CDH4: variants seen among roughly 807,000 people sequenced by gnomAD.
CDH4 encodes cadherin-4.
CDH4 carries 33 observed loss-of-function variants against 86.0 expected under a neutral mutation model. The observed-to-expected ratio is 0.38, with a 90% CI of 0.29 to 0.51. The LOEUF is 0.51. CDH4 is among the 20% of genes least tolerant of loss of function. The pLI, the probability that CDH4 is intolerant of heterozygous loss-of-function variation, is 0.86. For synonymous variants in CDH4, 555 were observed against 549.4 expected (o/e 1.01, Z -0.14); for missense variants, 1,114 against 1,307.4 (o/e 0.85, Z 2.28).
At position 61,663,748 on chromosome 20, in the gene CDH4, GT is replaced by G. The variant is rs1050700509; in HGVS notation, c.170-79814del. On this transcript the variant is annotated intron_variant, in intron 2 of 15. Coordinates refer to ENST00000614565, the MANE Select transcript of CDH4 (RefSeq NM_001794.5). This position sits in a 1 kb window ranked among gnomAD's most constrained non-coding sequence, Gnocchi z 5.0. ...ACCAGGCAGGGCTGACAGACGCGGG[GT>G]CGGGGGAAGATCAGGAGCTCCCGGT... Among the ~76,000 whole-genome samples, 7 of 152,168 alleles carry G rather than the reference GT, an allele frequency of 4.6e-5. No homozygotes were observed. The highest frequency in any genetic ancestry group is 1.7e-4 in the African/African-American group (7 of 41,434).
rs1408602820 is a variant in CDH4, at chr20:61,501,609, C to G, written c.170-241954C>G. Among the ~76,000 whole-genome samples, 2 of 152,110 alleles carry G rather than the reference C, an allele frequency of 1.3e-5. No individual in the cohort carries two copies. The highest frequency in any genetic ancestry group is 2.4e-5 in the African/African-American group (1 of 41,422). On this transcript the variant is annotated intron_variant, in intron 2 of 15. Coordinates refer to ENST00000614565, the MANE Select transcript of CDH4 (RefSeq NM_001794.5). This position sits in a 1 kb window ranked among gnomAD's most constrained non-coding sequence, Gnocchi z 4.2. ...GCCCGGAGACGCTGACTCCAGTTGC[C>G]TAACAGAGCTGTGGTGAGACTCAAA...
chr20:61,275,307 G>T (rs2084223190), intron 2 of CDH4, among the ~76,000 whole-genome samples: 1 of 142,270 alleles, frequency 7.0e-6, no homozygotes, highest in Non-Finnish European at 1.5e-5. Flanking sequence ...GCGCAGTTTG[G>T]GGGAGCACCG....
At chr20:61,919,775 C>T (rs200272333) in intron 9 of CDH4, among the ~76,000 whole-genome samples, 3 of 144,074 alleles carry the variant, frequency 2.1e-5, no homozygotes, top group African/African-American at 7.8e-5. Context: ...AGCGTGGTGT[C>T]GCGGTGATTG....
At chr20:61,526,171 T>C (rs2149480) in intron 2 of CDH4, among the ~76,000 whole-genome samples, 52,022 of 149,248 alleles carry the variant, frequency 0.35, 11,108 homozygotes, top group African/African-American at 0.62. Context: ...CTGGTGCCCC[T>C]CCCCCTCCCC....
At chr20:61,528,577 C>T (rs1025295951) in intron 2 of CDH4, among the ~76,000 whole-genome samples, 4 of 151,836 alleles carry the variant, frequency 2.6e-5, no homozygotes, top group African/African-American at 9.7e-5. Context: ...TGAGACCAGC[C>T]TGGCAACGTA....
At chr20:61,573,854 A>G (rs2086363261) in intron 2 of CDH4, among the ~76,000 whole-genome samples, 1 of 152,216 alleles carries the variant, frequency 6.6e-6, no homozygotes. Flanking sequence ...GATGGAAGGG[A>G]AAGCTGTGTG....
chr20:61,433,711 G>A (rs1284602954), intron 2 of CDH4, among the ~76,000 whole-genome samples: 4 of 152,244 alleles, frequency 2.6e-5, no homozygotes, highest in South Asian at 4.2e-4. Flanking sequence ...CCAGGCTCCC[G>A]TCGGTCCCTG....
intron 4 of CDH4, among the ~76,000 whole-genome samples, chr20:61,805,393 A>C (rs1980069197): frequency 6.6e-6 from 1 of 152,222 alleles, no homozygotes; most frequent in African/African-American, 2.4e-5. Context: ...GGTGGGCAGC[A>C]TGGCTGGGTG....
intron 2 of CDH4, among the ~76,000 whole-genome samples, chr20:61,426,535 T>C (rs1005226477): frequency 1.3e-5 from 2 of 152,232 alleles, no homozygotes; most frequent in Admixed American, 6.5e-5. Flanking sequence ...GTCTGCCTGT[T>C]TGCTAATCCC....
At position 61,685,926 on chromosome 20, in the gene CDH4, G is replaced by C. The variant is rs140724059; in HGVS notation, c.170-57637G>C. ...ACCATTTAGCATTCCAGATGGCGGA[G>C]TTCTGGAAGGGAAAGCTCTTCTTTC... On this transcript the variant is annotated intron_variant, in intron 2 of 15. Coordinates refer to ENST00000614565, the MANE Select transcript of CDH4 (RefSeq NM_001794.5). 1.0e-3 allele frequency among the ~76,000 whole-genome samples: 155 copies of C among 152,364 alleles called. 4 individuals are homozygous for C. The South Asian group carries it at 0.02, about 20-fold the overall frequency.
chr20:61,862,814 G>A (rs1319223859), intron 6 of CDH4, among the ~76,000 whole-genome samples: 1 of 152,176 alleles, frequency 6.6e-6, no homozygotes, highest in Non-Finnish European at 1.5e-5. Context: ...TATAAGTTTT[G>A]AAATTAATGT....
intron 2 of CDH4, among the ~76,000 whole-genome samples, chr20:61,276,026 G>A (rs963044710): frequency 3.3e-5 from 5 of 152,128 alleles, no homozygotes; most frequent in African/African-American, 1.2e-4. Flanking sequence ...ACTGACAGCG[G>A]GTTCGTTATG....
intron 2 of CDH4, among the ~76,000 whole-genome samples, chr20:61,658,892 A>G (rs762494334): frequency 2.0e-5 from 3 of 152,162 alleles, no homozygotes; most frequent in Non-Finnish European, 2.9e-5. Flanking sequence ...GGGGAGTGAC[A>G]TGCGGAGAAG....
At chr20:61,271,968 T>G (rs1049844861) in intron 2 of CDH4, among the ~76,000 whole-genome samples, 1 of 152,192 alleles carries the variant, frequency 6.6e-6, no homozygotes, top group Non-Finnish European at 1.5e-5. Context: ...GCCGTGTGCA[T>G]GGAGGACGGC....
intron 2 of CDH4, among the ~76,000 whole-genome samples, chr20:61,294,403 T>C (rs1405979642): frequency 6.6e-6 from 1 of 152,156 alleles, no homozygotes; most frequent in Non-Finnish European, 1.5e-5. Context: ...GCAGTCAAAG[T>C]GCACTGAGAT....
chr20:61,826,731 G>A (rs1337183140), intron 4 of CDH4, among the ~76,000 whole-genome samples: 2 of 152,114 alleles, frequency 1.3e-5, no homozygotes, highest in Non-Finnish European at 2.9e-5. Flanking sequence ...TGGGTCCTTC[G>A]AGACCCGTTG....
intron 2 of CDH4, among the ~76,000 whole-genome samples, chr20:61,621,003 A>C (rs1489100371): frequency 6.6e-6 from 1 of 152,228 alleles, no homozygotes; most frequent in Non-Finnish European, 1.5e-5. Context: ...TCATGTCTGC[A>C]GGTTTGTGGA....
At chr20:61,450,076 G>A (rs1186305753) in intron 2 of CDH4, among the ~76,000 whole-genome samples, 1 of 152,258 alleles carries the variant, frequency 6.6e-6, no homozygotes, top group Non-Finnish European at 1.5e-5. Context: ...TTGAGGGTAT[G>A]TTAATTTCTA....
At position 61,807,614 on chromosome 20, in the gene CDH4, C is replaced by T. The variant is rs1190070685; in HGVS notation, c.576+34432C>T. Among the ~76,000 whole-genome samples, 1 of 152,126 alleles carries T rather than the reference C, an allele frequency of 6.6e-6. No homozygotes were observed. Among genetic ancestry groups the T allele is most frequent in the Non-Finnish European group, 1.5e-5 (1 of 68,034 alleles). On this transcript the variant is annotated intron_variant, in intron 4 of 15. Transcript: ENST00000614565. This position sits in a 1 kb window ranked among gnomAD's most constrained non-coding sequence, Gnocchi z 4.5. ...CGTGCAGGGCTGGTTGGTGTGAGGC[C>T]AGCCACAGAGTGGTGGCCAAATAGC...
Sources: gnomAD v4.1 joint callset for allele counts (sites outside exome capture counted in the v4.1 genomes callset) on GRCh38, gnomAD v4.1.1 for gene constraint, Gnocchi (gnomAD v3.1) non-coding constraint, MANE v1.5 for transcripts, NCBI Gene and HGNC (gene_info 2026-07-23, HGNC 2026-07-21) for gene names.